Variants in EXD2 observed in about 807,000 individuals in gnomAD.
EXD2 encodes the protein exonuclease 3'-5' domain-containing protein 2.
A neutral mutation model predicts 62.5 loss-of-function variants in EXD2; 40 were observed. The ratio of observed to expected loss-of-function variants is 0.64; its 90% CI spans 0.50 to 0.83. The LOEUF (loss-of-function observed/expected upper bound fraction) is 0.83. Among genes scored for constraint, EXD2 ranks in the 40% least tolerant of loss-of-function variants. EXD2 has a pLI of 0.00. For synonymous variants in EXD2, 239 were observed against 291.9 expected (o/e 0.82, Z 1.85); for missense variants, 671 against 761.8 (o/e 0.88, Z 1.40).
intron 1 of EXD2, among the ~76,000 whole-genome samples, chr14:69,200,819 A>C (rs1477581972): frequency 6.6e-6 from 1 of 152,068 alleles, no homozygotes; most frequent in Non-Finnish European, 1.5e-5. Context: ...CACGCCTGTA[A>C]TCTCAGCACT....
chr14:69,203,599 T>C (rs1427113851), intron 1 of EXD2, among the ~76,000 whole-genome samples: 9 of 152,190 alleles, frequency 5.9e-5, no homozygotes, highest in African/African-American at 1.9e-4. Context: ...CAGGAAACTT[T>C]TATAGAACGC....
In EXD2 at chr14:69,237,637, C is replaced by T; in HGVS notation, c.1355C>T (p.Ser452Phe). 2 of 1,614,088 alleles carry T rather than the reference C, an allele frequency of 1.2e-6. No individual in the cohort carries two copies. Among genetic ancestry groups the T allele is most frequent in the Non-Finnish European group, 1.7e-6 (2 of 1,180,052 alleles). The change falls in exon 9 of 10, where the codon TCC becomes TTC. Residue 452 changes from serine (S) to phenylalanine (F), a missense_variant. Transcript: ENST00000685843. Reference sequence around the variant, plus strand: ...CCCATCGAGATGAAGGACCACAACTCCCACGATGTGCTGCTGCTCTGCACC... The same window carrying T: ...CCCATCGAGATGAAGGACCACAACTTCCACGATGTGCTGCTGCTCTGCACC... Reference protein sequence around the residue: ...HFPIEMKDHNSHDVLLLCTSC... With the variant: ...HFPIEMKDHNFHDVLLLCTSC...
intron 6 of EXD2, 110 bp downstream of exon 6, chr14:69,235,141 T>G: frequency 1.1e-6 from 1 of 948,594 alleles, no homozygotes; most frequent in East Asian, 2.7e-5. Context: ...GAGCAGCAGC[T>G]CTCCCGGGGT....
intron 3 of EXD2, among the ~76,000 whole-genome samples, chr14:69,220,197 C>T (rs561944558): frequency 1.3e-4 from 19 of 145,684 alleles, no homozygotes; most frequent in African/African-American, 4.6e-4. Flanking sequence ...AACTCTTGCT[C>T]CTGTTTGAAT....
chr14:69,242,572 T>G lies in EXD2; in HGVS notation c.*1472T>G, dbSNP rs1458269614. On this transcript the variant is annotated 3_prime_UTR_variant, in exon 10 of 10. Coordinates refer to ENST00000685843, the MANE Select transcript of EXD2 (RefSeq NM_001193360.2). ...TCTTCTGACCCTTCATTCCCACTTG[T>G]CTTCAGGCAGGCATTTCTGGGATCT... The G allele has an allele frequency of 6.6e-6, 1 of 152,322 alleles. No individual in the cohort carries two copies. The highest frequency in any genetic ancestry group is 1.5e-5 in the Non-Finnish European group (1 of 68,118). The allele number at this position is 152,322 out of a possible 1,614,324, so 9.4% of individuals were successfully genotyped here.
chr14:69,238,370 C>G (rs931917265), intron 9 of EXD2, among the ~76,000 whole-genome samples: 3 of 152,134 alleles, frequency 2.0e-5, no homozygotes, highest in Non-Finnish European at 4.4e-5. Flanking sequence ...GGGATTGGTT[C>G]CAGGACCTCC....
Position 69,234,728 on chromosome 14 carries a change from T to C in EXD2, c.746T>C (p.Ile249Thr), listed in dbSNP as rs2043708981. The C allele has an allele frequency of 6.2e-7, 1 of 1,613,340 alleles. No individual in the cohort carries two copies. Among genetic ancestry groups the C allele is most frequent in the South Asian group, 1.1e-5 (1 of 91,014 alleles). ...QVIYAARDAQ[I>T]SVALFLHLLG... ...ATTTATGCTGCCAGGGATGCCCAGATTTCAGTGGCTCTCTTTCTTCATCTT... is the reference window on the plus strand; with the variant it reads ...ATTTATGCTGCCAGGGATGCCCAGACTTCAGTGGCTCTCTTTCTTCATCTT... The change falls in exon 6 of 10, where the codon ATT becomes ACT. Residue 249 changes from isoleucine to threonine, a missense_variant. Transcript: ENST00000685843.
chr14:69,234,389 C>T (rs1342965315), intron 5 of EXD2, among the ~76,000 whole-genome samples: 1 of 152,036 alleles, frequency 6.6e-6, no homozygotes, highest in Non-Finnish European at 1.5e-5. Context: ...ATCTGTCCAG[C>T]AATTTGGTAG....
chr14:69,240,848 T>C, intron 9 of EXD2, 36 bp from the exon 10 acceptor site: 3 of 1,591,084 alleles, frequency 1.9e-6, no homozygotes, highest in South Asian at 2.2e-5. Context: ...CCTGCGCTTG[T>C]TTCCCTCAGA....
In EXD2 at chr14:69,228,444, G is replaced by A. The variant is rs2043444946; in HGVS notation, c.334-372G>A. ...TGACCTCAGGTGATCCGCCCGCCTT[G>A]GCCTCCCAAAGTGCTGGGATTACAG... On this transcript the variant is annotated intron_variant, in intron 3 of 9. Transcript: ENST00000685843. Among the ~76,000 whole-genome samples the A allele has an allele frequency of 2.0e-5, 3 of 152,038 alleles. 1 individual carries two copies. In the South Asian group the frequency reaches 6.2e-4, roughly 32 times the overall value.
intron 3 of EXD2, among the ~76,000 whole-genome samples, chr14:69,226,248 A>G (rs2043357420): frequency 6.6e-6 from 1 of 152,224 alleles, no homozygotes; most frequent in South Asian, 2.1e-4. Context: ...CGGATGAATT[A>G]TTAGAGAACT....
chr14:69,220,655 A>T (rs1279107698), intron 3 of EXD2, among the ~76,000 whole-genome samples: 1 of 149,768 alleles, frequency 6.7e-6, no homozygotes, highest in Non-Finnish European at 1.5e-5. Flanking sequence ...CGGATCATGA[A>T]GTCAGGAGTT....
At chr14:69,228,420 G>A (rs2043443058) in intron 3 of EXD2, among the ~76,000 whole-genome samples, 1 of 152,114 alleles carries the variant, frequency 6.6e-6, no homozygotes, top group South Asian at 2.1e-4. Flanking sequence ...TTGAACTCCT[G>A]ACCTCAGGTG....
At chr14:69,203,055 AGTTT>A (rs758178206) in intron 1 of EXD2, among the ~76,000 whole-genome samples, 27 of 151,982 alleles carry the variant, frequency 1.8e-4, no homozygotes, top group South Asian at 8.3e-4. Flanking sequence ...CCGTGTCTCA[AGTTT>A]GTTTGTTTGT....
Position 69,236,618 on chromosome 14 carries a change from G to A in EXD2, c.1292+76G>A, listed in dbSNP as rs1487612857. 5.0e-6 allele frequency: 8 copies of A among 1,588,294 alleles called. No homozygotes were observed. In the African/African-American group the frequency reaches 1.1e-4, roughly 21 times the overall value. ...TTTTGTAGCCATATGCAGAGCCTTT[G>A]GGGGCTGTGGCTGAGTCTGTCCACT... is the stretch of plus-strand genomic sequence containing the variant. On this transcript the variant is annotated intron_variant, in intron 8 of 9. Coordinates refer to ENST00000685843, the MANE Select transcript of EXD2 (RefSeq NM_001193360.2).
At chr14:69,200,704 G>A (rs2042367414) in intron 1 of EXD2, among the ~76,000 whole-genome samples, 1 of 79,394 alleles carries the variant, frequency 1.3e-5, no homozygotes, top group African/African-American at 7.3e-5. Context: ...GCCAGACCTT[G>A]TCTCCAAAAA....
intron 3 of EXD2, among the ~76,000 whole-genome samples, chr14:69,218,419 T>C (rs999176417): frequency 3.9e-5 from 6 of 152,280 alleles, no homozygotes; most frequent in Admixed American, 1.3e-4. Flanking sequence ...TTGTTGATTC[T>C]GGATATTAGC....
rs71102634 is a variant in EXD2, at chr14:69,201,672, G to GTT, written c.-131-2218_-131-2217dup. Among the ~76,000 whole-genome samples the GTT allele has an allele frequency of 2.5e-3, 147 of 59,022 alleles. 11 individuals are homozygous for GTT. Among genetic ancestry groups the GTT allele is most frequent in the African/African-American group, 8.2e-3 (120 of 14,712 alleles). 38.7% of individuals were successfully genotyped at this position (59,022 alleles called of 152,430 possible). ...GTCTCTCTCAGCAAGTGTTTTCTCT[G>GTT]TTTTTTTTTTTTTTTTTTTTTTTTT... On this transcript the variant is annotated intron_variant, in intron 1 of 9. Coordinates refer to ENST00000685843, the MANE Select transcript of EXD2 (RefSeq NM_001193360.2).
chr14:69,238,620 A>G (rs577693368), intron 9 of EXD2, among the ~76,000 whole-genome samples: 3 of 148,848 alleles, frequency 2.0e-5, no homozygotes, highest in African/African-American at 7.4e-5. Context: ...TTTTTTTCCA[A>G]ATAGTTTTGT....
Sources: gnomAD v4.1 joint callset for allele counts (sites outside exome capture counted in the v4.1 genomes callset) on GRCh38, gnomAD v4.1.1 for gene constraint, MANE v1.5 for transcripts, NCBI Gene and HGNC (gene_info 2026-07-23, HGNC 2026-07-21) for gene names.